The following SYN3 variants were observed in gnomAD, a reference collection of about 807,000 sequenced individuals.
SYN3 encodes synapsin-3.
A neutral mutation model predicts 65.8 loss-of-function variants in SYN3; 35 were observed. The ratio of observed to expected loss-of-function variants is 0.53; its 90% CI spans 0.41 to 0.70. SYN3 has a LOEUF of 0.70. SYN3 is among the 30% of genes least tolerant of loss of function. The pLI, the probability that SYN3 is intolerant of heterozygous loss-of-function variation, is 0.00. For missense variants in SYN3, 680 were observed against 749.0 expected (o/e 0.91, Z 1.08); for synonymous variants, 270 against 292.9 (o/e 0.92, Z 0.80).
intron 6 of SYN3, among the ~76,000 whole-genome samples, chr22:32,760,178 C>G (rs1295283588): frequency 4.2e-5 from 5 of 117,856 alleles, no homozygotes; most frequent in Non-Finnish European, 9.0e-5. Flanking sequence ...CCAGCACCCA[C>G]GTACCCCCCA....
At chr22:32,781,199 T>C (rs1453054284) in intron 6 of SYN3, among the ~76,000 whole-genome samples, 1 of 152,098 alleles carries the variant, frequency 6.6e-6, no homozygotes, top group East Asian at 1.9e-4. Context: ...CTCGTAGTCT[T>C]GTCCAAGGTT....
intron 6 of SYN3, among the ~76,000 whole-genome samples, chr22:32,829,676 T>C (rs1450805643): frequency 2.0e-5 from 3 of 152,148 alleles, no homozygotes; most frequent in Admixed American, 6.5e-5. Flanking sequence ...GCCAGGACAA[T>C]GCCGGTCCCC....
chr22:32,675,842 G>C (rs1212588401), intron 6 of SYN3, among the ~76,000 whole-genome samples: 4 of 152,312 alleles, frequency 2.6e-5, no homozygotes, highest in Middle Eastern at 6.8e-3. Context: ...GACCCAGTGA[G>C]GGGGAAGAAT....
At chr22:32,747,238 TCA>T (rs368677453) in intron 6 of SYN3, among the ~76,000 whole-genome samples, 269 of 152,192 alleles carry the variant, frequency 1.8e-3, no homozygotes, top group African/African-American at 6.2e-3. Flanking sequence ...TTGCCAGAAG[TCA>T]CACAGCCAGA....
intron 7 of SYN3, among the ~76,000 whole-genome samples, chr22:32,554,812 C>G (rs972661156): frequency 4.6e-5 from 7 of 151,934 alleles, no homozygotes; most frequent in East Asian, 1.9e-4. Flanking sequence ...GCCTTGCTGA[C>G]AAAAAAAATG....
intron 6 of SYN3, among the ~76,000 whole-genome samples, chr22:32,821,943 G>A (rs1601450448): frequency 6.6e-6 from 1 of 152,116 alleles, no homozygotes; most frequent in Non-Finnish European, 1.5e-5. Flanking sequence ...ATCACCTGAG[G>A]TCGGGAGTTC....
At chr22:32,658,323 A>T (rs2060170485) in intron 6 of SYN3, among the ~76,000 whole-genome samples, 1 of 152,156 alleles carries the variant, frequency 6.6e-6, no homozygotes, top group Admixed American at 6.5e-5. Context: ...CTGGTGTTTG[A>T]CTTCCCCCAA....
intron 6 of SYN3, among the ~76,000 whole-genome samples, chr22:32,664,109 G>T (rs1388199441): frequency 6.6e-6 from 1 of 152,198 alleles, no homozygotes; most frequent in Non-Finnish European, 1.5e-5. Context: ...AAGAGCTACA[G>T]GGAGTCTTAA....
chr22:32,932,313 A>T (rs1202595462), intron 3 of SYN3, among the ~76,000 whole-genome samples: 1 of 149,530 alleles, frequency 6.7e-6, no homozygotes, highest in East Asian at 2.0e-4. Flanking sequence ...TTACAGCAGC[A>T]GCACCATGTT....
intron 7 of SYN3, among the ~76,000 whole-genome samples, chr22:32,561,825 C>T (rs765695272): frequency 5.5e-4 from 83 of 152,218 alleles, no homozygotes; most frequent in Non-Finnish European, 7.1e-4. Context: ...AGAGGCCCAA[C>T]GCTGCCTCCA....
chr22:32,562,421 G>C (rs1025528435), intron 7 of SYN3, among the ~76,000 whole-genome samples: 9 of 152,152 alleles, frequency 5.9e-5, no homozygotes, highest in African/African-American at 1.7e-4. Context: ...CTGAGAACTC[G>C]ACCTTTAGTC....
intron 6 of SYN3, among the ~76,000 whole-genome samples, chr22:32,599,567 C>T (rs985984258): frequency 1.3e-5 from 2 of 151,870 alleles, no homozygotes; most frequent in African/African-American, 2.4e-5. Context: ...GTGATCCGCC[C>T]GCCTCAGCCT....
intron 2 of SYN3, among the ~76,000 whole-genome samples, chr22:32,991,495 C>T (rs2145719730): frequency 6.6e-6 from 1 of 152,270 alleles, no homozygotes; most frequent in Non-Finnish European, 1.5e-5. Flanking sequence ...GCAGCTGCTG[C>T]CTCAGAGGAG....
intron 6 of SYN3, among the ~76,000 whole-genome samples, chr22:32,839,832 C>A (rs937476309): frequency 3.9e-5 from 6 of 152,248 alleles, no homozygotes; most frequent in Admixed American, 1.3e-4. Flanking sequence ...TTCCAGGAAG[C>A]CTGACCTTCC....
rs1420087689 is a variant in SYN3 at position 32,541,590 on chromosome 22, A to G, written c.898T>C (p.Ser300Pro). 1 of 1,613,702 alleles carries G rather than the reference A, an allele frequency of 6.2e-7. No individual in the cohort carries two copies. Among genetic ancestry groups the G allele is most frequent in the Non-Finnish European group, 8.5e-7 (1 of 1,179,946 alleles). ...ACTCACATGTAAGCCTTGTAGTTGG[A>G]TCCAATTTTCTGGATGCGGATGTCG... is the stretch of plus-strand genomic sequence containing the variant. The part of the protein sequence containing the change: ...KYDIRIQKIG[S>P]NYKAYMRTSI... Residue 300 changes from serine (S) to proline (P), a missense_variant, in exon 8 of 14, where the codon TCC (serine) becomes CCC (proline). By Grantham distance (74) the Ser-to-Pro change is moderately conservative. Coordinates refer to ENST00000358763, the MANE Select transcript of SYN3 (RefSeq NM_003490.4).
At chr22:32,624,165 C>G (rs570574429) in intron 6 of SYN3, among the ~76,000 whole-genome samples, 1 of 152,224 alleles carries the variant, frequency 6.6e-6, no homozygotes, top group African/African-American at 2.4e-5. Context: ...TCATCGCTCC[C>G]TCCCTGGCTT....
chr22:32,538,592 C>G (rs957282280), intron 8 of SYN3, among the ~76,000 whole-genome samples: 3 of 152,130 alleles, frequency 2.0e-5, no homozygotes, highest in African/African-American at 7.2e-5. Context: ...CCTTTCTGCT[C>G]CAGTAACAAC....
chr22:32,797,226 C>T (rs754856405), intron 6 of SYN3, among the ~76,000 whole-genome samples: 4 of 152,218 alleles, frequency 2.6e-5, no homozygotes, highest in Non-Finnish European at 5.9e-5. Context: ...CACCACCTGC[C>T]TGTCTGAATG....
intron 1 of SYN3, among the ~76,000 whole-genome samples, chr22:33,035,952 G>A (rs2053851544): frequency 6.6e-6 from 1 of 152,008 alleles, no homozygotes; most frequent in Non-Finnish European, 1.5e-5. Flanking sequence ...CCCAGGTCCA[G>A]GACAAAGTCA....
Sources: gnomAD v4.1 joint callset for allele counts (sites outside exome capture counted in the v4.1 genomes callset) on GRCh38, gnomAD v4.1.1 for gene constraint, MANE v1.5 for transcripts, NCBI Gene and HGNC (gene_info 2026-07-23, HGNC 2026-07-21) for gene names.